The following ZBTB1 variants were observed in gnomAD, a reference collection of about 807,000 sequenced individuals.
The protein encoded by ZBTB1 is zinc finger and BTB domain containing 1, also known as zinc finger and BTB domain-containing protein 1.
A neutral mutation model predicts 51.6 loss-of-function variants in ZBTB1; 13 were observed. The ratio of observed to expected loss-of-function variants is 0.25; its 90% CI spans 0.16 to 0.40. ZBTB1 has a LOEUF of 0.40. Ranked by LOEUF, ZBTB1 falls within the 10% of genes least tolerant of loss-of-function variation. The probability of loss-of-function intolerance (pLI) is 1.00; values close to 1 mark genes in which losing one functional copy is unlikely to be tolerated. For missense variants in ZBTB1, 567 were observed against 856.5 expected (o/e 0.66, Z 4.22); for synonymous variants, 240 against 282.2 (o/e 0.85, Z 1.50).
chr14:64,504,671 C>T (rs2079608469), upstream of ZBTB1: 1 of 352,916 alleles, frequency 2.8e-6, no homozygotes, highest in East Asian at 4.1e-5. Context: ...GGCTGGCGGA[C>T]GCCGCAGCGA....
At position 64,521,678 on chromosome 14, in the gene ZBTB1, T is replaced by C. The variant is rs745921405; in HGVS notation, c.174T>C (p.His58=). ...YFRMFFMNHQ[H]STAQLNLSNM... ...GAATGTTTTTCATGAACCATCAGCATAGTACTGCACAACTGAATCTCAGCA... is the reference window on the plus strand; with the variant it reads ...GAATGTTTTTCATGAACCATCAGCACAGTACTGCACAACTGAATCTCAGCA... The change falls in exon 2 of 2, where the codon CAT becomes CAC. Residue 58 remains histidine, a synonymous_variant. Transcript: ENST00000683701. 1 of 1,614,224 alleles carries C rather than the reference T, an allele frequency of 6.2e-7. No individual in the cohort carries two copies.
exon 3 of ZBTB1, chr14:64,533,041 G>A (rs1417006595): frequency 6.6e-6 from 1 of 152,012 alleles, no homozygotes; most frequent in East Asian, 1.9e-4. Context: ...TTATTCCAAT[G>A]TTTTAACAAG....
Position 64,532,002 on chromosome 14 carries a change from T to C in ZBTB1, c.*105T>C, listed in dbSNP as rs970235365. ...ATCTGAAGTGGCACCATCTTTTCTG[T>C]CTTCCTGACAAACTTCCATCAACCC... On this transcript the variant is annotated 3_prime_UTR_variant, in exon 3 of 3. Coordinates refer to the ZBTB1 transcript ENST00000358738. The C allele has an allele frequency of 2.9e-6, 4 of 1,387,094 alleles. No individual in the cohort carries two copies. The African/African-American group carries it at 5.9e-5, about 20-fold the overall frequency. 85.9% of individuals were successfully genotyped at this position (1,387,094 alleles called of 1,614,324 possible). A position where few individuals can be genotyped will look rare whatever the true frequency, so the allele number is the denominator to read the frequency against.
chr14:64,508,546 C>T (rs940960137), intron 1 of ZBTB1, among the ~76,000 whole-genome samples: 5 of 152,044 alleles, frequency 3.3e-5, no homozygotes, highest in Non-Finnish European at 5.9e-5. Flanking sequence ...AGAGTGTTGT[C>T]TGGTTTACAC....
At chr14:64,531,937 T>C (rs1462778348) in exon 3 of ZBTB1, 1 of 1,610,506 alleles carries the variant, frequency 6.2e-7, no homozygotes, top group South Asian at 1.1e-5. Flanking sequence ...AGAATCAATC[T>C]TCAACAGATA....
At chr14:64,532,085 T>C in exon 3 of ZBTB1, 2 of 582,570 alleles carry the variant, frequency 3.4e-6, no homozygotes, top group Admixed American at 7.2e-5. Context: ...TTGGAATCAC[T>C]TTGTTGTAAC....
Position 64,522,228 on chromosome 14 carries a change from C to A in ZBTB1, c.724C>A (p.His242Asn). The change falls in exon 2 of 2, where the codon CAT (histidine) becomes AAT (asparagine). Residue 242 changes from histidine to asparagine, a missense_variant. By Grantham distance (68) the His-to-Asn change is moderately conservative. Transcript: ENST00000683701. The part of the protein sequence containing the change: ...DEHVLTCTNR[H>N]LYQNTRSYHR... ...GCATGTGCTAACCTGTACTAACAGA[C>A]ATTTATACCAAAACACAAGATCTTA... 1 of 1,614,166 alleles carries A rather than the reference C, an allele frequency of 6.2e-7. No individual in the cohort carries two copies. The highest frequency in any genetic ancestry group is 1.1e-5 in the South Asian group (1 of 91,082).
intron 1 of ZBTB1, among the ~76,000 whole-genome samples, chr14:64,509,247 G>A (rs991660844): frequency 6.6e-6 from 1 of 152,198 alleles, no homozygotes; most frequent in African/African-American, 2.4e-5. Context: ...CCGCATGCCT[G>A]TAGTCCCAGC....
exon 3 of ZBTB1, chr14:64,532,398 A>T (rs1047363340): frequency 2.0e-5 from 3 of 152,742 alleles, no homozygotes; most frequent in Admixed American, 2.0e-4. Context: ...TGTAGTTTAG[A>T]GTGTAAGAAG....
Position 64,505,033 on chromosome 14 carries a change from C to G in ZBTB1, c.-19+87C>G, listed in dbSNP as rs1189652975. The G allele has an allele frequency of 7.9e-6, 3 of 380,336 alleles. No individual in the cohort carries two copies. The Admixed American group carries it at 1.4e-4, about 17-fold the overall frequency. The allele number at this position is 380,336 out of a possible 1,614,324, so 23.6% of individuals were successfully genotyped here. ...GCCGCGGGCCTGGCGGAGTGCGGGG[C>G]CGGAGGGGCGCCGATCCGTGCGGGG... On this transcript the variant is annotated intron_variant, in intron 1 of 1. Transcript: ENST00000683701.
intron 1 of ZBTB1, chr14:64,514,074 C>T (rs2079754782): frequency 6.6e-6 from 1 of 152,158 alleles, no homozygotes; most frequent in Non-Finnish European, 1.5e-5. Flanking sequence ...ATGCTCTATC[C>T]AGTGTTAGGA....
chr14:64,517,781 A>ATATATATTTTTTT (rs1160337478), intron 1 of ZBTB1, among the ~76,000 whole-genome samples: 4 of 41,550 alleles, frequency 9.6e-5, no homozygotes, highest in Non-Finnish European at 1.4e-4. Context: ...ATATATATAT[A>ATATATATTTTTTT]TTTTTTTTTT....
Position 64,521,706 on chromosome 14 carries a change from A to G in ZBTB1, c.202A>G (p.Met68Val). ...TACTGCACAACTGAATCTCAGCAACATGAAAATTAGTGCAGAATGTTTTGA... is the reference window on the plus strand; with the variant it reads ...TACTGCACAACTGAATCTCAGCAACGTGAAAATTAGTGCAGAATGTTTTGA... The part of the protein sequence containing the change: ...HSTAQLNLSN[M>V]KISAECFDLI... The change falls in exon 2 of 2, where the codon ATG becomes GTG. Residue 68 changes from methionine (M) to valine (V), a missense_variant. This residue lies in a region of ZBTB1 where 69 missense variants were observed against 136.4 expected (regional missense o/e 0.51). Transcript: ENST00000683701. The G allele has an allele frequency of 3.1e-6, 5 of 1,614,116 alleles. No individual in the cohort carries two copies. The highest frequency in any genetic ancestry group is 4.2e-6 in the Non-Finnish European group (5 of 1,180,044).
chr14:64,517,783 T>TA, intron 1 of ZBTB1, among the ~76,000 whole-genome samples: 41 of 57,844 alleles, frequency 7.1e-4, no homozygotes, highest in South Asian at 1.8e-3. Flanking sequence ...ATATATATAT[T>TA]TTTTTTTTTT....
chr14:64,515,052 A>G (rs931052674), intron 1 of ZBTB1, among the ~76,000 whole-genome samples: 7 of 152,392 alleles, frequency 4.6e-5, no homozygotes, highest in African/African-American at 1.7e-4. Flanking sequence ...ATGAGCCGTT[A>G]AACTTTTTCA....
intron 1 of ZBTB1, among the ~76,000 whole-genome samples, chr14:64,514,909 A>C (rs774435126): frequency 5.9e-5 from 9 of 152,240 alleles, no homozygotes; most frequent in Non-Finnish European, 1.0e-4. Context: ...ACCCTGATAC[A>C]TTAAAAACCA....
chr14:64,529,963 T>C (rs536080695), intron 2 of ZBTB1, among the ~76,000 whole-genome samples: 61 of 152,272 alleles, frequency 4.0e-4, no homozygotes, highest in African/African-American at 1.4e-3. Context: ...AGGGTAAACT[T>C]ATAGAGACAG....
intron 1 of ZBTB1, among the ~76,000 whole-genome samples, chr14:64,505,411 C>T (rs776712235): frequency 6.6e-6 from 1 of 152,168 alleles, no homozygotes; most frequent in Non-Finnish European, 1.5e-5. Flanking sequence ...GGCGTAAGAT[C>T]CGTGCAAATT....
chr14:64,508,395 G>A (rs942720494), intron 1 of ZBTB1, among the ~76,000 whole-genome samples: 5 of 152,164 alleles, frequency 3.3e-5, no homozygotes, highest in Admixed American at 6.5e-5. Context: ...GATGGAAGGG[G>A]ATTTAGGGAA....
Sources: gnomAD v4.1 joint callset for allele counts (sites outside exome capture counted in the v4.1 genomes callset) on GRCh38, gnomAD v4.1.1 for gene constraint, gnomAD v4.1.1 regional missense constraint, MANE v1.5 for transcripts, NCBI Gene and HGNC (gene_info 2026-07-23, HGNC 2026-07-21) for gene names.